The following TMEM179 variants were observed in gnomAD, a reference collection of about 807,000 sequenced individuals.
The protein encoded by TMEM179 is transmembrane protein 179A.
Under a neutral mutation model 22.2 loss-of-function variants are expected in TMEM179, and 17 were observed. The observed-to-expected ratio is 0.77, with a 90% CI of 0.52 to 1.15. The LOEUF (loss-of-function observed/expected upper bound fraction) is 1.15, where lower values mean the gene tolerates loss of function less well. TMEM179 is among the 50% of genes most tolerant of loss of function. The pLI is 0.00. For missense variants in TMEM179, 265 were observed against 313.6 expected (o/e 0.84, Z 1.17); for synonymous variants, 127 against 140.5 (o/e 0.90, Z 0.68).
rs1016941738 is a variant in TMEM179 at position 104,597,525 on chromosome 14, A to G, written c.306-398T>C. Among the ~76,000 whole-genome samples the G allele has an allele frequency of 4.5e-4, 69 of 152,060 alleles. No individual in the cohort carries two copies. Among genetic ancestry groups the G allele is most frequent in the African/African-American group, 1.6e-3 (67 of 41,458 alleles). On this transcript the variant is annotated intron_variant, in intron 1 of 3. Transcript: ENST00000556573. This position sits in a 1 kb window ranked among gnomAD's most constrained non-coding sequence, Gnocchi z 4.8. ...CAGGTGCTTGTGTCCCCCCAAATCC[A>G]TATGTTCCAGTCCACTGAGGGGTTA...
intron 2 of TMEM179, among the ~76,000 whole-genome samples, chr14:104,596,433 C>G (rs1333211442): frequency 6.6e-6 from 1 of 152,200 alleles, no homozygotes; most frequent in African/African-American, 2.4e-5. Flanking sequence ...CATCCCCAAC[C>G]CGCCTGGGAG....
intron 2 of TMEM179, among the ~76,000 whole-genome samples, chr14:104,596,778 G>A (rs2140485810): frequency 6.6e-6 from 1 of 152,314 alleles, no homozygotes; most frequent in Non-Finnish European, 1.5e-5. Flanking sequence ...GATGCTGCCG[G>A]CTCCTAGGGC....
rs1433740122 is a variant in TMEM179, at chr14:104,604,130, G to C, written c.305+307C>G. On this transcript the variant is annotated intron_variant, in intron 1 of 3. Transcript: ENST00000556573. This position sits in a 1 kb window ranked among gnomAD's most constrained non-coding sequence, Gnocchi z 4.6. ...GGCTGAGCCCGCCCAGGAAGGTCCA[G>C]GCCTGCTGGGTGATGACAGTGCAAC... Among the ~76,000 whole-genome samples, 2 of 152,344 alleles carry C rather than the reference G, an allele frequency of 1.3e-5. No individual in the cohort carries two copies. Among genetic ancestry groups the C allele is most frequent in the African/African-American group, 4.8e-5 (2 of 41,592 alleles).
chr14:104,594,182 C>T, intron 3 of TMEM179: 1 of 1,232,038 alleles, frequency 8.1e-7, no homozygotes, highest in Non-Finnish European at 1.0e-6. Context: ...GCACTCACAC[C>T]TTAATCCAAC....
chr14:104,601,370 C>T (rs887579344), intron 1 of TMEM179, among the ~76,000 whole-genome samples: 83 of 152,200 alleles, frequency 5.5e-4, no homozygotes, highest in Non-Finnish European at 1.5e-4. Flanking sequence ...GGGACTCCTA[C>T]GCACCATCCC....
intron 1 of TMEM179, among the ~76,000 whole-genome samples, chr14:104,602,305 A>G (rs73361875): frequency 0.028 from 4,235 of 151,958 alleles, 208 homozygotes; most frequent in African/African-American, 0.097. Context: ...AAAATCTCCC[A>G]TCACTCTGAC....
chr14:104,597,345 C>A lies in TMEM179; in HGVS notation c.306-218G>T, dbSNP rs1052969787. On this transcript the variant is annotated intron_variant, in intron 1 of 3. Coordinates refer to ENST00000556573, the MANE Select transcript of TMEM179 (RefSeq NM_001286389.2). The surrounding 1 kb of genome is among the most constrained non-coding windows in gnomAD (Gnocchi z 4.8). The stretch of plus-strand genomic sequence containing the variant: ...CCTGCCTGCGGTCCCTCGGGCAGCT[C>A]CGTGTGCCCACCCTGGGCTGCAGGT... Among the ~76,000 whole-genome samples the A allele has an allele frequency of 1.3e-5, 2 of 150,280 alleles. No individual in the cohort carries two copies. Among genetic ancestry groups the A allele is most frequent in the Non-Finnish European group, 2.9e-5 (2 of 67,958 alleles).
intron 1 of TMEM179, among the ~76,000 whole-genome samples, chr14:104,598,699 T>A (rs1222689250): frequency 2.6e-5 from 4 of 152,190 alleles, no homozygotes; most frequent in Non-Finnish European, 1.5e-5. Flanking sequence ...ACCAGGCTGC[T>A]TTGTAACATC....
intron 2 of TMEM179, among the ~76,000 whole-genome samples, chr14:104,596,035 G>A (rs1887011085): frequency 6.6e-6 from 1 of 152,266 alleles, no homozygotes; most frequent in Non-Finnish European, 1.5e-5. Context: ...GCAGAGCTGG[G>A]ACAGTGCACG....
At chr14:104,600,241 C>T (rs1887190244) in intron 1 of TMEM179, among the ~76,000 whole-genome samples, 3 of 152,250 alleles carry the variant, frequency 2.0e-5, no homozygotes, top group Admixed American at 6.5e-5. Flanking sequence ...CCCTCCCTCA[C>T]CAAGGCCAGG....
chr14:104,598,977 G>T (rs921539298), intron 1 of TMEM179, among the ~76,000 whole-genome samples: 27 of 152,320 alleles, frequency 1.8e-4, no homozygotes, highest in Non-Finnish European at 3.2e-4. Context: ...GCTGAAGATG[G>T]CTGGAGAGTG....
chr14:104,593,246 C>A lies in TMEM179; in HGVS notation c.*233G>T. ...GGTGCCCCCCGCCCCCGCCCCACAC[C>A]CATAGTCTCTCTGCACCATCCTCAT... On this transcript the variant is annotated 3_prime_UTR_variant, in exon 4 of 4. Coordinates refer to ENST00000556573, the MANE Select transcript of TMEM179 (RefSeq NM_001286389.2). 1.7e-6 allele frequency: 1 copy of A among 597,264 alleles called. No individual in the cohort carries two copies. Among genetic ancestry groups the A allele is most frequent in the Non-Finnish European group, 2.9e-6 (1 of 340,600 alleles). 37.0% of individuals were successfully genotyped at this position (597,264 alleles called of 1,614,324 possible).
At chr14:104,598,897 C>T (rs1002001905) in intron 1 of TMEM179, among the ~76,000 whole-genome samples, 6 of 152,230 alleles carry the variant, frequency 3.9e-5, no homozygotes, top group African/African-American at 1.2e-4. Context: ...ACCACACCAA[C>T]GAGGGCAGGA....
chr14:104,602,734 A>C (rs1887282227), intron 1 of TMEM179, among the ~76,000 whole-genome samples: 1 of 152,226 alleles, frequency 6.6e-6, no homozygotes, highest in African/African-American at 2.4e-5. Flanking sequence ...CACCTTGAGC[A>C]GGGCTCCAGC....
intron 3 of TMEM179, chr14:104,594,120 G>A: frequency 8.1e-7 from 1 of 1,233,098 alleles, no homozygotes; most frequent in Non-Finnish European, 1.0e-6. Context: ...ATCAGAACCA[G>A]GCCTGAGCTA....
Position 104,604,496 on chromosome 14 carries a change from C to A in TMEM179, c.246G>T (p.Leu82=). The A allele has an allele frequency of 6.3e-7, 1 of 1,578,126 alleles. No homozygotes were observed. Among genetic ancestry groups the A allele is most frequent in the Admixed American group, 1.8e-5 (1 of 55,674 alleles). Residue 82 remains leucine (L), a synonymous_variant, in exon 1 of 4, where the codon CTG becomes CTT. Transcript: ENST00000556573. This position sits in a 1 kb window ranked among gnomAD's most constrained non-coding sequence, Gnocchi z 4.6. ...GCCAGGCGTGCGCGGCGGCCAGCAG[C>A]AGAGACAGGAGGCTGGCGAGCAGGC... ...RFSLLASLLS[L]LLAAAHAWRT...
At chr14:104,594,246 T>C (rs1446551959) in intron 3 of TMEM179, 1 of 1,231,664 alleles carries the variant, frequency 8.1e-7, no homozygotes, top group Non-Finnish European at 1.0e-6. Context: ...CATGAAGGTG[T>C]CTTTGACAGG....
At position 104,593,525 on chromosome 14, in the gene TMEM179, G is replaced by A. The variant is rs1311341158; in HGVS notation, c.656C>T (p.Pro219Leu). The change falls in exon 4 of 4, where the codon CCG becomes CTG. Residue 219 changes from proline to leucine, a missense_variant. By Grantham distance (98) the Pro-to-Leu change is moderately conservative. Coordinates refer to ENST00000556573, the MANE Select transcript of TMEM179 (RefSeq NM_001286389.2). ...IHEKELLLARPSPRTSFQEEK... is the reference protein window; with the variant it reads ...IHEKELLLARLSPRTSFQEEK... Reference sequence around the variant, plus strand: ...CTCTTGGAAGGAGGTGCGTGGGGACGGCCGGGCCAGCAGCAGCTCCTTCTC... The same window carrying A: ...CTCTTGGAAGGAGGTGCGTGGGGACAGCCGGGCCAGCAGCAGCTCCTTCTC... 11 of 1,535,658 alleles carry A rather than the reference G, an allele frequency of 7.2e-6. No homozygotes were observed. The highest frequency in any genetic ancestry group is 4.9e-5 in the East Asian group (2 of 40,912).
rs1487306799 is a variant in TMEM179 at position 104,604,044 on chromosome 14, G to A, written c.305+393C>T. Among the ~76,000 whole-genome samples the A allele has an allele frequency of 2.6e-5, 4 of 152,230 alleles. No individual in the cohort carries two copies. The highest frequency in any genetic ancestry group is 2.6e-4 in the Admixed American group (4 of 15,288). On this transcript the variant is annotated intron_variant, in intron 1 of 3. Coordinates refer to ENST00000556573, the MANE Select transcript of TMEM179 (RefSeq NM_001286389.2). This position sits in a 1 kb window ranked among gnomAD's most constrained non-coding sequence, Gnocchi z 4.6. Reference sequence around the variant, plus strand: ...GTTCGCCTTGTCACTGGGACCTGGAGAGCTCAGTGCAAGCCCTAGACCGGG... The same window carrying A: ...GTTCGCCTTGTCACTGGGACCTGGAAAGCTCAGTGCAAGCCCTAGACCGGG...
Sources: allele counts gnomAD v4.1 joint callset (sites outside exome capture counted in the v4.1 genomes callset), GRCh38; gene constraint gnomAD v4.1.1; non-coding constraint Gnocchi (gnomAD v3.1); transcripts MANE v1.5; gene names NCBI Gene and HGNC (gene_info 2026-07-23, HGNC 2026-07-21).